The following AFG1L variants were observed in gnomAD, a reference collection of about 807,000 sequenced individuals.
AFG1L encodes the protein AFG1-like ATPase.
Under a neutral mutation model 62.2 loss-of-function variants are expected in AFG1L, and 53 were observed. The observed-to-expected ratio is 0.85, with a 90% CI of 0.68 to 1.07. The LOEUF (loss-of-function observed/expected upper bound fraction) is 1.07. Ranked by LOEUF, AFG1L falls within the 50% of genes least tolerant of loss-of-function variation. The pLI is 0.00. For missense variants in AFG1L, 555 were observed against 590.5 expected, an observed-to-expected ratio of 0.94 and a Z score of 0.62; for synonymous variants, 228 against 210.3, an observed-to-expected ratio of 1.08 and a Z score of -0.73.
chr6:108,420,281 C>G (rs1283559721), intron 7 of AFG1L, among the ~76,000 whole-genome samples: 1 of 151,630 alleles, frequency 6.6e-6, no homozygotes, highest in Non-Finnish European at 1.5e-5. Context: ...GTTGCTTTCC[C>G]CCACAAACTG....
chr6:108,444,498 A>T (rs553661939), intron 7 of AFG1L, among the ~76,000 whole-genome samples: 1 of 152,304 alleles, frequency 6.6e-6, no homozygotes, highest in African/African-American at 2.4e-5. Flanking sequence ...TTTATGGCAG[A>T]TATAGCCTTA....
intron 8 of AFG1L, among the ~76,000 whole-genome samples, chr6:108,462,257 A>G (rs1772489937): frequency 6.6e-6 from 1 of 151,836 alleles, no homozygotes; most frequent in Non-Finnish European, 1.5e-5. Context: ...AAAAAAAGCT[A>G]ACTGGGCTTG....
chr6:108,363,506 G>A (rs1442283738), intron 5 of AFG1L, among the ~76,000 whole-genome samples: 1 of 151,724 alleles, frequency 6.6e-6, no homozygotes. Flanking sequence ...TGTTTTGGTT[G>A]GTGAAATAAA....
intron 10 of AFG1L, among the ~76,000 whole-genome samples, chr6:108,485,290 C>G (rs185332104): frequency 4.9e-4 from 75 of 152,144 alleles, no homozygotes; most frequent in African/African-American, 1.8e-3. Flanking sequence ...CTTTCATTTT[C>G]TGTGAATATA....
chr6:108,345,167 G>C lies in AFG1L; in HGVS notation c.364-1821G>C, dbSNP rs1778818128. ...CCTCAATTGAAACAATTTCTTTTTT[G>C]TAAAAATGGTGTCTTGCATTGTTGC... On this transcript the variant is annotated intron_variant, in intron 2 of 12. Transcript: ENST00000368977. Among the ~76,000 whole-genome samples, 2 of 152,022 alleles carry C rather than the reference G, an allele frequency of 1.3e-5. 1 individual carries two copies. Among genetic ancestry groups the C allele is most frequent in the Non-Finnish European group, 2.9e-5 (2 of 67,984 alleles).
intron 8 of AFG1L, among the ~76,000 whole-genome samples, chr6:108,457,777 G>C (rs941622189): frequency 6.6e-6 from 1 of 151,976 alleles, no homozygotes; most frequent in East Asian, 1.9e-4. Context: ...TATAGTAGTG[G>C]TCTGCTGGTG....
intron 5 of AFG1L, among the ~76,000 whole-genome samples, chr6:108,362,660 G>T (rs1213613203): frequency 6.6e-6 from 1 of 152,132 alleles, no homozygotes; most frequent in Non-Finnish European, 1.5e-5. Context: ...GGAAATTGAG[G>T]GTCAGAGAGG....
intron 10 of AFG1L, among the ~76,000 whole-genome samples, chr6:108,483,999 G>A (rs1304241991): frequency 6.6e-6 from 1 of 152,056 alleles, no homozygotes; most frequent in Non-Finnish European, 1.5e-5. Context: ...CCACTGATTG[G>A]GAGCTACTTC....
intron 2 of AFG1L, among the ~76,000 whole-genome samples, chr6:108,337,805 C>T (rs1778528770): frequency 6.6e-6 from 1 of 152,106 alleles, no homozygotes; most frequent in Admixed American, 6.6e-5. Context: ...TAATGTTCAT[C>T]TTGGGATTGG....
At chr6:108,470,336 C>T (rs1281724527) in intron 8 of AFG1L, among the ~76,000 whole-genome samples, 1 of 152,194 alleles carries the variant, frequency 6.6e-6, no homozygotes, top group Non-Finnish European at 1.5e-5. Context: ...TGTTCCATTT[C>T]CCCCTCCTTA....
In AFG1L at chr6:108,521,106, C is replaced by T. The variant is rs1775107836; in HGVS notation, c.1318-1191C>T. 3 of 152,202 alleles carry T rather than the reference C, an allele frequency of 2.0e-5. 1 individual carries two copies. The South Asian group carries it at 6.2e-4, about 32-fold the overall frequency. The allele number at this position is 152,202 out of a possible 1,614,324, so 9.4% of individuals were successfully genotyped here. On this transcript the variant is annotated intron_variant, in intron 12 of 12. Coordinates refer to ENST00000368977, the MANE Select transcript of AFG1L (RefSeq NM_145315.5). ...TTCATCCTGAAACCATCCCCCTGCCCCTGGTCCATGGAAAAATTGTCTTCC... is the reference window on the plus strand; with the variant it reads ...TTCATCCTGAAACCATCCCCCTGCCTCTGGTCCATGGAAAAATTGTCTTCC...
At chr6:108,507,897 C>T (rs914503549) in intron 10 of AFG1L, among the ~76,000 whole-genome samples, 5 of 152,260 alleles carry the variant, frequency 3.3e-5, no homozygotes, top group African/African-American at 1.2e-4. Context: ...CCAAGACAGA[C>T]AAGTGCACAA....
intron 7 of AFG1L, among the ~76,000 whole-genome samples, chr6:108,426,761 A>C (rs1770832782): frequency 1.3e-5 from 2 of 152,106 alleles, no homozygotes; most frequent in Non-Finnish European, 2.9e-5. Context: ...AGGCTAACAA[A>C]TGCCAACATC....
intron 10 of AFG1L, 45 bp from the exon 11 acceptor site, chr6:108,510,167 G>A: frequency 6.7e-7 from 1 of 1,501,664 alleles, no homozygotes; most frequent in South Asian, 1.2e-5. Context: ...AAGGCAACCA[G>A]AATTGGTTTA....
At chr6:108,485,667 T>TC (rs1773545022) in intron 10 of AFG1L, among the ~76,000 whole-genome samples, 1 of 78,278 alleles carries the variant, frequency 1.3e-5, no homozygotes, top group Non-Finnish European at 2.6e-5. Context: ...TTTTTTTTTT[T>TC]TTTTTTTTTT....
intron 6 of AFG1L, among the ~76,000 whole-genome samples, chr6:108,384,985 A>G (rs1404978888): frequency 6.6e-6 from 1 of 152,196 alleles, no homozygotes; most frequent in Non-Finnish European, 1.5e-5. Flanking sequence ...CAGAAGACAA[A>G]GAGGAGAGAA....
At chr6:108,423,946 A>G (rs767701274) in intron 7 of AFG1L, among the ~76,000 whole-genome samples, 62 of 152,146 alleles carry the variant, frequency 4.1e-4, no homozygotes, top group Admixed American at 5.9e-4. Context: ...ATAAACTCTG[A>G]CATACTGTTT....
At chr6:108,395,677 A>G (rs1160793853) in intron 6 of AFG1L, among the ~76,000 whole-genome samples, 1 of 151,524 alleles carries the variant, frequency 6.6e-6, no homozygotes, top group African/African-American at 2.4e-5. Context: ...GCTGGAATTT[A>G]CAAATGTGAG....
chr6:108,358,733 C>A (rs1021232823), intron 5 of AFG1L, among the ~76,000 whole-genome samples: 1 of 152,152 alleles, frequency 6.6e-6, no homozygotes, highest in Non-Finnish European at 1.5e-5. Flanking sequence ...GGGGTTTCAC[C>A]ACGTTGGCCA....
Sources: allele counts gnomAD v4.1 joint callset (sites outside exome capture counted in the v4.1 genomes callset), GRCh38; gene constraint gnomAD v4.1.1; transcripts MANE v1.5; gene names NCBI Gene and HGNC (gene_info 2026-07-23, HGNC 2026-07-21).